Variants in TMEM132A observed in about 807,000 individuals in gnomAD.
TMEM132A encodes the protein transmembrane protein 132A.
A neutral mutation model predicts 69.9 loss-of-function variants in TMEM132A; 48 were observed. The ratio of observed to expected loss-of-function variants is 0.69; its 90% CI spans 0.55 to 0.87. The LOEUF is 0.87. Ranked by LOEUF, TMEM132A falls within the 40% of genes least tolerant of loss-of-function variation. The pLI is 0.00. For missense variants in TMEM132A, 1,287 were observed against 1,407.2 expected, an observed-to-expected ratio of 0.91 and a Z score of 1.37; for synonymous variants, 577 against 613.7, an observed-to-expected ratio of 0.94 and a Z score of 0.88.
rs1032215731 is a variant in TMEM132A, at chr11:60,928,895, C to T, written c.801C>T (p.Pro267=). 11 of 1,612,804 alleles carry T rather than the reference C, an allele frequency of 6.8e-6. No individual in the cohort carries two copies. The highest frequency in any genetic ancestry group is 4.5e-5 in the East Asian group (2 of 44,884). The change falls in exon 4 of 11, where the codon CCC becomes CCT. Residue 267 remains proline (P), a synonymous_variant. Transcript: ENST00000453848. ...GGGTGCCTGACATGCCAGTGCGGCCCGGCCAGCTCTTTAGTGCTACCCTCC... is the reference window on the plus strand; with the variant it reads ...GGGTGCCTGACATGCCAGTGCGGCCTGGCCAGCTCTTTAGTGCTACCCTCC... ...TLRVPDMPVR[P]GQLFSATLLL...
At chr11:60,933,199 T>G in intron 7 of TMEM132A, 1 of 239,576 alleles carries the variant, frequency 4.2e-6, no homozygotes, top group East Asian at 8.2e-5. Context: ...AATCTATTTA[T>G]TTTGAAACAG....
chr11:60,930,516 G>A lies in TMEM132A; in HGVS notation c.873G>A (p.Lys291=). 1 of 1,603,564 alleles carries A rather than the reference G, an allele frequency of 6.2e-7. No homozygotes were observed. Among genetic ancestry groups the A allele is most frequent in the Non-Finnish European group, 8.5e-7 (1 of 1,174,968 alleles). The part of the protein sequence containing the change: ...FTASLLTLRI[K]VKKGLHVTAA... ...CCTATACTCTCTTCCCCAGGATCAA[G>A]GTGAAGAAGGGGCTGCATGTGACAG... Residue 291 remains lysine (K), a synonymous_variant, in exon 5 of 11, where the codon AAG becomes AAA. Transcript: ENST00000453848.
At position 60,932,066 on chromosome 11, in the gene TMEM132A, G is replaced by T; in HGVS notation, c.1295G>T (p.Gly432Val). The T allele has an allele frequency of 1.3e-6, 2 of 1,586,010 alleles. No individual in the cohort carries two copies. Among genetic ancestry groups the T allele is most frequent in the Admixed American group, 1.8e-5 (1 of 55,448 alleles). Residue 432 changes from glycine (G) to valine (V), a missense_variant, in exon 7 of 11, where the codon GGG becomes GTG. Gly to Val is a moderately radical substitution (Grantham distance 109, BLOSUM62 -3). Coordinates refer to ENST00000453848, the MANE Select transcript of TMEM132A (RefSeq NM_178031.3). The stretch of plus-strand genomic sequence containing the variant: ...CGCCTTGTCACTGTGGACGGCGGGG[G>T]GGCCTTGGTGGAGGTGACAGAGCAT... Reference protein sequence around the residue: ...PVRLVTVDGGGALVEVTEHVG... With the variant: ...PVRLVTVDGGVALVEVTEHVG...
At position 60,924,507 on chromosome 11, in the gene TMEM132A, C is replaced by T; in HGVS notation, c.-127C>T. On this transcript the variant is annotated 5_prime_UTR_variant, in exon 1 of 11. Coordinates refer to ENST00000453848, the MANE Select transcript of TMEM132A (RefSeq NM_178031.3). ...GGAATTGCAGCCGCGGGGCGGGCGGCGGCGGCGGCGGCGGCGGCCGGGACC... is the reference window on the plus strand; with the variant it reads ...GGAATTGCAGCCGCGGGGCGGGCGGTGGCGGCGGCGGCGGCGGCCGGGACC... 3.9e-6 allele frequency: 2 copies of T among 517,924 alleles called. No homozygotes were observed. Among genetic ancestry groups the T allele is most frequent in the South Asian group, 6.0e-5 (1 of 16,792 alleles). 32.1% of individuals were successfully genotyped at this position (517,924 alleles called of 1,614,324 possible). A position where few individuals can be genotyped will look rare whatever the true frequency, so the allele number is the denominator to read the frequency against.
chr11:60,935,972 G>A lies in TMEM132A; in HGVS notation c.2137G>A (p.Ala713Thr). 6.2e-7 allele frequency: 1 copy of A among 1,611,078 alleles called. No homozygotes were observed. The highest frequency in any genetic ancestry group is 8.5e-7 in the Non-Finnish European group (1 of 1,179,808). Residue 713 changes from alanine (A) to threonine (T), a missense_variant, in exon 11 of 11, where the codon GCC becomes ACC. By Grantham distance (58) the Ala-to-Thr change is moderately conservative. Coordinates refer to ENST00000453848, the MANE Select transcript of TMEM132A (RefSeq NM_178031.3). The surrounding 1 kb of genome is among the most constrained non-coding windows in gnomAD (Gnocchi z 5.0). Reference protein sequence around the residue: ...GLSVSAEEPGAILPAEEQGAQ... With the variant: ...GLSVSAEEPGTILPAEEQGAQ... ...GTCCGTCTCAGCCGAGGAGCCTGGT[G>A]CCATCCTGCCAGCTGAGGAGCAGGG...
intron 7 of TMEM132A, chr11:60,932,499 A>C: frequency 5.4e-6 from 1 of 185,714 alleles, no homozygotes; most frequent in Non-Finnish European, 1.1e-5. Context: ...CGTTACCTAA[A>C]CTTTAAAATG....
chr11:60,926,067 C>T (rs906066138), intron 1 of TMEM132A: 2 of 152,222 alleles, frequency 1.3e-5, no homozygotes, highest in East Asian at 1.9e-4. Flanking sequence ...TTGCAAAAGA[C>T]AGGAGACTGG....
At chr11:60,934,273 A>C in intron 8 of TMEM132A, 1 of 435,670 alleles carries the variant, frequency 2.3e-6, no homozygotes, top group Non-Finnish European at 4.0e-6. Context: ...AAGAGCGGTG[A>C]TCGAGGCACA....
At position 60,936,015 on chromosome 11, in the gene TMEM132A, T is replaced by C; in HGVS notation, c.2180T>C (p.Val727Ala). 1 of 1,606,752 alleles carries C rather than the reference T, an allele frequency of 6.2e-7. No homozygotes were observed. The highest frequency in any genetic ancestry group is 1.1e-5 in the South Asian group (1 of 90,624). ...AEEQGAQLGV[V>A]VSGAGAEGLP... ...GAGCAGGGTGCCCAGCTCGGGGTGG[T>C]GGTGAGTGGGGCAGGCGCCGAGGGG... is the stretch of plus-strand genomic sequence containing the variant. The change falls in exon 11 of 11, where the codon GTG becomes GCG. Residue 727 changes from valine to alanine, a missense_variant. Val to Ala is a moderately conservative substitution (Grantham distance 64). Transcript: ENST00000453848.
In TMEM132A at chr11:60,934,724, G is replaced by A. The variant is rs751566861; in HGVS notation, c.1796G>A (p.Arg599His). The change falls in exon 9 of 11, where the codon CGT becomes CAT. Residue 599 changes from arginine (R) to histidine (H), a missense_variant. Arg to His is a conservative substitution (Grantham distance 29). Coordinates refer to ENST00000453848, the MANE Select transcript of TMEM132A (RefSeq NM_178031.3). Reference protein sequence around the residue: ...DSRVASLEGGRVVVGREPGVT... With the variant: ...DSRVASLEGGHVVVGREPGVT... ...CGTGTAGCCTCTCTGGAGGGTGGCC[G>A]TGTCGTGGTGGGCCGGGAGCCCGGT... 1.2e-6 allele frequency: 2 copies of A among 1,605,560 alleles called. No homozygotes were observed. The highest frequency in any genetic ancestry group is 8.5e-7 in the Non-Finnish European group (1 of 1,177,348).
At chr11:60,930,176 G>A (rs1433278436) in intron 4 of TMEM132A, among the ~76,000 whole-genome samples, 3 of 152,242 alleles carry the variant, frequency 2.0e-5, no homozygotes, top group Non-Finnish European at 2.9e-5. Context: ...GGTGCCGTGT[G>A]TGTGGGAAAC....
intron 3 of TMEM132A, 108 bp from the exon 4 acceptor site, chr11:60,928,521 C>A (rs1856399676): frequency 1.9e-6 from 2 of 1,072,984 alleles, no homozygotes; most frequent in Admixed American, 4.2e-5. Flanking sequence ...GCTGGGCCTC[C>A]CTTTCATGAG....
chr11:60,924,473 C>T lies in TMEM132A; in HGVS notation c.-161C>T. 2.4e-6 allele frequency: 1 copy of T among 417,414 alleles called. No homozygotes were observed. Among genetic ancestry groups the T allele is most frequent in the Non-Finnish European group, 4.0e-6 (1 of 249,480 alleles). The allele number at this position is 417,414 out of a possible 1,614,324, so 25.9% of individuals were successfully genotyped here. ...CCCTCCCACCCCACTGCTCCCGCTC[C>T]ATTGTCTGGGAATTGCAGCCGCGGG... On this transcript the variant is annotated 5_prime_UTR_variant, in exon 1 of 11. Coordinates refer to ENST00000453848, the MANE Select transcript of TMEM132A (RefSeq NM_178031.3).
chr11:60,924,882 C>T (rs2134888107), intron 1 of TMEM132A, 149 bp downstream of exon 1: 1 of 588,904 alleles, frequency 1.7e-6, no homozygotes, highest in Non-Finnish European at 2.9e-6. Flanking sequence ...AGAGTTCTTG[C>T]CCTCGGGAAC....
rs551776907 is a variant in TMEM132A, at chr11:60,936,503, C to T, written c.2668C>T (p.Pro890Ser). Residue 890 changes from proline to serine, a missense_variant, in exon 11 of 11, where the codon CCC becomes TCC. By Grantham distance (74) the Pro-to-Ser change is moderately conservative. Coordinates refer to ENST00000453848, the MANE Select transcript of TMEM132A (RefSeq NM_178031.3). ...PPDSATDPTS[P>S]QPHNWVWLGT... ...CGACAGTGCCACTGACCCCACCTCC[C>T]CCCAGCCCCACAACTGGGTCTGGCT... 80 of 1,614,098 alleles carry T rather than the reference C, an allele frequency of 5.0e-5. 1 individual carries two copies. In the South Asian group the frequency reaches 7.4e-4, roughly 15 times the overall value.
chr11:60,931,450 T>G (rs1565120918), intron 5 of TMEM132A, among the ~76,000 whole-genome samples: 1 of 152,128 alleles, frequency 6.6e-6, no homozygotes, highest in Non-Finnish European at 1.5e-5. Context: ...GGTGGTTAAA[T>G]GGCTTCATGG....
In TMEM132A at chr11:60,936,708, G is replaced by A; in HGVS notation, c.2873G>A (p.Gly958Glu). Residue 958 changes from glycine (G) to glutamate (E), a missense_variant, in exon 11 of 11, where the codon GGG becomes GAG. Coordinates refer to ENST00000453848, the MANE Select transcript of TMEM132A (RefSeq NM_178031.3). ...ACCCTGGCCCGAAAGGAGGCTGGGG[G>A]GCGGCGGAAGCGAGTAGAGTTTGTG... is the stretch of plus-strand genomic sequence containing the variant. ...SSTLARKEAG[G>E]RRKRVEFVTF... 1 of 1,575,690 alleles carries A rather than the reference G, an allele frequency of 6.3e-7. No homozygotes were observed. The highest frequency in any genetic ancestry group is 8.6e-7 in the Non-Finnish European group (1 of 1,161,314).
At chr11:60,927,620 G>A (rs757741829) in intron 2 of TMEM132A, 21 bp from the exon 3 acceptor site, 48 of 1,593,946 alleles carry the variant, frequency 3.0e-5, no homozygotes, top group Non-Finnish European at 3.8e-5. Flanking sequence ...CTTTTGTTAA[G>A]CCCTCTCATT....
Position 60,932,090 on chromosome 11 carries a change from A to G in TMEM132A, c.1319A>G (p.His440Arg). 1.3e-6 allele frequency: 2 copies of G among 1,563,662 alleles called. No homozygotes were observed. Among genetic ancestry groups the G allele is most frequent in the African/African-American group, 1.4e-5 (1 of 73,114 alleles). ...GGGALVEVTE[H>R]VGCESANTQV... is the part of the protein sequence containing the mutation. ...GGGGCCTTGGTGGAGGTGACAGAGC[A>G]TGTCGGCTGCGAGTCTGCCAACACA... The change falls in exon 7 of 11, where the codon CAT (histidine) becomes CGT (arginine). Residue 440 changes from histidine to arginine, a missense_variant. By Grantham distance (29) the His-to-Arg change is conservative. Transcript: ENST00000453848.
Sources: gnomAD v4.1 joint callset for allele counts (sites outside exome capture counted in the v4.1 genomes callset) on GRCh38, gnomAD v4.1.1 for gene constraint, Gnocchi (gnomAD v3.1) non-coding constraint, MANE v1.5 for transcripts, NCBI Gene and HGNC (gene_info 2026-07-23, HGNC 2026-07-21) for gene names.